Variants in OGN observed in about 807,000 individuals in gnomAD.
OGN encodes mimecan.
A neutral mutation model predicts 30.8 loss-of-function variants in OGN; 19 were observed. That is an observed-to-expected ratio of 0.62 (90% CI 0.43 to 0.90). The LOEUF is 0.90. OGN is among the 40% of genes least tolerant of loss of function. OGN has a pLI of 0.00. For synonymous variants in OGN, 126 were observed against 128.3 expected (o/e 0.98, Z 0.12); for missense variants, 283 against 349.7 (o/e 0.81, Z 1.52).
chr9:92,393,131 A>C lies in OGN; in HGVS notation c.382T>G (p.Phe128Val). 1 of 1,613,860 alleles carries C rather than the reference A, an allele frequency of 6.2e-7. No individual in the cohort carries two copies. Among genetic ancestry groups the C allele is most frequent in the Non-Finnish European group, 8.5e-7 (1 of 1,179,904 alleles). The change falls in exon 4 of 7, where the codon TTC (phenylalanine) becomes GTC (valine). Residue 128 changes from phenylalanine (F) to valine (V), a missense_variant. Physicochemically the swap from Phe to Val is conservative, Grantham distance 50 (BLOSUM62 -1). Coordinates refer to ENST00000375561, the MANE Select transcript of OGN (RefSeq NM_014057.5). ...GCAGTCAGCTTTTTAATTTTGTTGA[A>C]TCGTGCGTAAAGATAGGCTGATTCC... Reference protein sequence around the residue: ...PKESAYLYARFNKIKKLTAKD... With the variant: ...PKESAYLYARVNKIKKLTAKD...
intron 4 of OGN, 56 bp downstream of exon 4, chr9:92,393,030 T>G: frequency 7.0e-7 from 1 of 1,428,850 alleles, no homozygotes; most frequent in East Asian, 2.3e-5. Context: ...CTTGTGTTTA[T>G]ATGAGTTAAA....
chr9:92,393,389 C>A, intron 3 of OGN, 145 bp from the exon 4 acceptor site: 3 of 600,894 alleles, frequency 5.0e-6, no homozygotes, highest in Non-Finnish European at 8.3e-6. Context: ...CATGGTAACT[C>A]GTTACCTATA....
chr9:92,392,321 A>G (rs2130900632), intron 4 of OGN, among the ~76,000 whole-genome samples: 1 of 152,312 alleles, frequency 6.6e-6, no homozygotes, highest in East Asian at 1.9e-4. Context: ...ACCTAGTATC[A>G]GTATTTAAAA....
At chr9:92,400,966 T>C (rs1843086933) in intron 3 of OGN, 126 bp downstream of exon 3, 1 of 551,692 alleles carries the variant, frequency 1.8e-6, no homozygotes. Context: ...GAGTTTATCA[T>C]TGGAAATAAA....
intron 4 of OGN, among the ~76,000 whole-genome samples, chr9:92,390,454 CTGAGTA>C (rs1400216836): frequency 2.0e-5 from 3 of 151,984 alleles, no homozygotes; most frequent in Admixed American, 2.0e-4. Flanking sequence ...CGTTGTGATT[CTGAGTA>C]TGTTATCTTA....
At chr9:92,397,619 C>G (rs990154327) in intron 3 of OGN, among the ~76,000 whole-genome samples, 1 of 152,176 alleles carries the variant, frequency 6.6e-6, no homozygotes, top group African/African-American at 2.4e-5. Context: ...CATGAGCCAC[C>G]ACACCCGGCC....
chr9:92,387,183 G>A (rs1314327842), intron 5 of OGN, among the ~76,000 whole-genome samples: 1 of 151,806 alleles, frequency 6.6e-6, no homozygotes, highest in African/African-American at 2.4e-5. Context: ...GACCAGCCTG[G>A]CCAACATGGT....
intron 4 of OGN, 63 bp downstream of exon 4, chr9:92,393,021 TTG>T (rs1842750849): frequency 2.3e-6 from 3 of 1,314,698 alleles, no homozygotes; most frequent in Admixed American, 2.1e-5. Context: ...ATATAGAAAC[TTG>T]TGTTTATATG....
chr9:92,389,139 T>TTA (rs1314199967), intron 5 of OGN, among the ~76,000 whole-genome samples: 4 of 152,172 alleles, frequency 2.6e-5, no homozygotes, highest in Non-Finnish European at 5.9e-5. Context: ...TTGAATGAGA[T>TTA]TATGTCTGTT....
chr9:92,398,173 C>T (rs1263589091), intron 3 of OGN, among the ~76,000 whole-genome samples: 2 of 152,124 alleles, frequency 1.3e-5, no homozygotes, highest in Non-Finnish European at 2.9e-5. Context: ...TGTCCTTAGC[C>T]TGAAGGTATA....
intron 5 of OGN, among the ~76,000 whole-genome samples, chr9:92,387,784 G>A (rs1842495685): frequency 6.6e-6 from 1 of 151,894 alleles, no homozygotes; most frequent in African/African-American, 2.4e-5. Context: ...TTTTTTTAGA[G>A]ATGGAGTCTC....
chr9:92,403,145 T>C (rs1564302061), intron 2 of OGN, 89 bp downstream of exon 2: 10 of 801,116 alleles, frequency 1.2e-5, no homozygotes, highest in Non-Finnish European at 1.6e-5. Flanking sequence ...CCCTTCCCCT[T>C]ACCTTATCAG....
intron 1 of OGN, chr9:92,403,814 G>C (rs1353389094): frequency 1.1e-5 from 4 of 371,712 alleles, no homozygotes; most frequent in African/African-American, 6.6e-5. Context: ...TCTCATGTGA[G>C]TTAAAAATAT....
rs1395991420 is a variant in OGN, at chr9:92,384,075, G to A, written c.*1545C>T. Reference sequence around the variant, plus strand: ...TAAAAAGTATAAAGCTGCATTTTGCGCTCTCAGTGAGGTTTAAGTCAGGGA... The same window carrying A: ...TAAAAAGTATAAAGCTGCATTTTGCACTCTCAGTGAGGTTTAAGTCAGGGA... On this transcript the variant is annotated 3_prime_UTR_variant, in exon 7 of 7. Coordinates refer to ENST00000375561, the MANE Select transcript of OGN (RefSeq NM_014057.5). 1.3e-5 allele frequency: 2 copies of A among 152,124 alleles called. No homozygotes were observed. Among genetic ancestry groups the A allele is most frequent in the East Asian group, 1.9e-4 (1 of 5,196 alleles). The allele number at this position is 152,124 out of a possible 1,614,324, so 9.4% of individuals were successfully genotyped here. A position where few individuals can be genotyped will look rare whatever the true frequency, so the allele number is the denominator to read the frequency against.
At chr9:92,390,201 G>A in intron 4 of OGN, 145 bp from the exon 5 acceptor site, 1 of 567,760 alleles carries the variant, frequency 1.8e-6, no homozygotes, top group Non-Finnish European at 3.1e-6. Flanking sequence ...GCCCAGTAAA[G>A]TTTTGTGGAA....
At chr9:92,399,588 C>T (rs1474850662) in intron 3 of OGN, among the ~76,000 whole-genome samples, 1 of 152,124 alleles carries the variant, frequency 6.6e-6, no homozygotes, top group East Asian at 1.9e-4. Context: ...ATTGTTGTCT[C>T]TGGATTTTGA....
intron 3 of OGN, among the ~76,000 whole-genome samples, chr9:92,395,427 A>G (rs1007609568): frequency 9.2e-5 from 14 of 152,200 alleles, no homozygotes; most frequent in African/African-American, 2.7e-4. Flanking sequence ...TGGTCATTTC[A>G]TATGGACATT....
At chr9:92,386,570 G>A (rs950660319) in intron 5 of OGN, among the ~76,000 whole-genome samples, 1 of 151,854 alleles carries the variant, frequency 6.6e-6, no homozygotes, top group African/African-American at 2.4e-5. Flanking sequence ...CTGAATATCC[G>A]GCTCTAATGC....
chr9:92,398,715 G>A (rs1047683387), intron 3 of OGN, among the ~76,000 whole-genome samples: 23 of 152,088 alleles, frequency 1.5e-4, no homozygotes, highest in African/African-American at 5.6e-4. Context: ...TTTTGCAATT[G>A]CATGCAATGC....
Sources: allele counts gnomAD v4.1 joint callset (sites outside exome capture counted in the v4.1 genomes callset), GRCh38; gene constraint gnomAD v4.1.1; transcripts MANE v1.5; gene names NCBI Gene and HGNC (gene_info 2026-07-23, HGNC 2026-07-21).